Variants in EIPR1 observed in about 807,000 individuals in gnomAD.
EIPR1 encodes EARP and GARP complex-interacting protein 1.
Under a neutral mutation model 48.1 loss-of-function variants are expected in EIPR1, and 25 were observed. The observed-to-expected ratio is 0.52, with a 90% CI of 0.38 to 0.73. EIPR1 has a LOEUF of 0.73. EIPR1 is among the 30% of genes least tolerant of loss of function. The probability of loss-of-function intolerance (pLI) is 0.00; values close to 1 mark genes in which losing one functional copy is unlikely to be tolerated. For synonymous variants in EIPR1, 204 were observed against 201.9 expected, an observed-to-expected ratio of 1.01 and a Z score of -0.09; for missense variants, 415 against 506.2, an observed-to-expected ratio of 0.82 and a Z score of 1.73.
At chr2:3,227,749 T>C (rs1057382549) in intron 4 of EIPR1, among the ~76,000 whole-genome samples, 4 of 152,238 alleles carry the variant, frequency 2.6e-5, no homozygotes, top group Non-Finnish European at 5.9e-5. Context: ...CTGTGCAGCC[T>C]TGGGACATGC....
At chr2:3,202,166 T>C (rs1665066242) in intron 5 of EIPR1, among the ~76,000 whole-genome samples, 2 of 152,340 alleles carry the variant, frequency 1.3e-5, no homozygotes, top group South Asian at 4.1e-4. Context: ...CTCGATCTTC[T>C]GACCTTGTGA....
chr2:3,326,934 G>C (rs775074252), intron 3 of EIPR1, among the ~76,000 whole-genome samples: 37 of 152,252 alleles, frequency 2.4e-4, no homozygotes, highest in Non-Finnish European at 4.7e-4. Flanking sequence ...TCATGTTTCA[G>C]AGGAAGATGG....
chr2:3,218,205 T>C (rs560022783), intron 4 of EIPR1, among the ~76,000 whole-genome samples: 6 of 148,168 alleles, frequency 4.0e-5, no homozygotes, highest in Admixed American at 6.7e-5. Flanking sequence ...CTCTAGAGCT[T>C]TCACAGTGAG....
intron 3 of EIPR1, among the ~76,000 whole-genome samples, chr2:3,333,870 C>T (rs62119491): frequency 0.17 from 26,169 of 152,120 alleles, 2,441 homozygotes; most frequent in Non-Finnish European, 0.21. Flanking sequence ...TAACAACTCA[C>T]GCCAGCTGGC....
intron 3 of EIPR1, among the ~76,000 whole-genome samples, chr2:3,321,775 C>T (rs981197891): frequency 2.6e-5 from 4 of 152,266 alleles, no homozygotes; most frequent in South Asian, 4.1e-4. Context: ...CTCAGGAACC[C>T]TCTAGTTCAG....
intron 3 of EIPR1, among the ~76,000 whole-genome samples, chr2:3,284,209 T>TG (rs1483360587): frequency 2.2e-5 from 3 of 138,260 alleles, no homozygotes; most frequent in African/African-American, 8.3e-5. Context: ...CACATGGAGA[T>TG]GGGGCCGGAG....
intron 2 of EIPR1, among the ~76,000 whole-genome samples, chr2:3,349,698 TG>T (rs1249128106): frequency 6.9e-6 from 1 of 143,928 alleles, no homozygotes; most frequent in Non-Finnish European, 1.5e-5. Context: ...CGCTGTGAGA[TG>T]GGGACAGGGA....
chr2:3,307,611 C>T (rs1327557532), intron 3 of EIPR1, among the ~76,000 whole-genome samples: 1 of 152,234 alleles, frequency 6.6e-6, no homozygotes, highest in Non-Finnish European at 1.5e-5. Flanking sequence ...GGAAAGACGG[C>T]ATCCCCACTC....
In EIPR1 at chr2:3,284,318, C is replaced by T. The variant is rs368922849; in HGVS notation, c.260-26863G>A. Among the ~76,000 whole-genome samples the T allele has an allele frequency of 6.3e-4, 70 of 110,686 alleles. 6 individuals carry two copies. Among genetic ancestry groups the T allele is most frequent in the Middle Eastern group, 4.5e-3 (1 of 220 alleles). The allele number at this position is 110,686 out of a possible 152,430, so 72.6% of individuals were successfully genotyped here. A position where few individuals can be genotyped will look rare whatever the true frequency, so the allele number is the denominator to read the frequency against. On this transcript the variant is annotated intron_variant, in intron 3 of 8. Transcript: ENST00000382125. ...CCCACAGGCACAGAAGGCCGTGCCACGGCTGCACGTAAGCTGGGCACATGG... is the reference window on the plus strand; with the variant it reads ...CCCACAGGCACAGAAGGCCGTGCCATGGCTGCACGTAAGCTGGGCACATGG...
intron 4 of EIPR1, among the ~76,000 whole-genome samples, chr2:3,246,197 G>A (rs1400156156): frequency 1.3e-5 from 2 of 152,120 alleles, no homozygotes; most frequent in Non-Finnish European, 2.9e-5. Flanking sequence ...TGAGACTTTC[G>A]AGCACATTTT....
chr2:3,348,761 G>A (rs1314993071), intron 2 of EIPR1, among the ~76,000 whole-genome samples: 1 of 152,236 alleles, frequency 6.6e-6, no homozygotes, highest in East Asian at 1.9e-4. Context: ...GAGGACCTGA[G>A]GCAACACCAG....
intron 2 of EIPR1, among the ~76,000 whole-genome samples, chr2:3,340,044 A>G (rs1670188009): frequency 6.6e-6 from 1 of 152,214 alleles, no homozygotes; most frequent in Admixed American, 6.5e-5. Context: ...TTCCGCCATG[A>G]TTGGAAGTTT....
At chr2:3,372,135 G>C (rs1374630358) in intron 1 of EIPR1, among the ~76,000 whole-genome samples, 1 of 150,894 alleles carries the variant, frequency 6.6e-6, no homozygotes, top group Non-Finnish European at 1.5e-5. Flanking sequence ...AATGACTACT[G>C]GGTACATAAT....
chr2:3,194,304 T>C (rs1664719803), intron 6 of EIPR1, 138 bp from the exon 7 acceptor site: 1 of 1,044,040 alleles, frequency 9.6e-7, no homozygotes, highest in East Asian at 2.6e-5. Flanking sequence ...TCGGCGTTCC[T>C]GCCCTGCAGG....
chr2:3,370,164 C>A (rs951478934), intron 1 of EIPR1, among the ~76,000 whole-genome samples: 9 of 152,328 alleles, frequency 5.9e-5, no homozygotes, highest in African/African-American at 2.2e-4. Flanking sequence ...TCCAACAGAC[C>A]TGCAGCTGAG....
intron 7 of EIPR1, among the ~76,000 whole-genome samples, 196 bp downstream of exon 7, chr2:3,193,800 TTTC>T (rs1664695066): frequency 6.6e-6 from 1 of 152,246 alleles, no homozygotes; most frequent in African/African-American, 2.4e-5. Flanking sequence ...ATTTAATGTT[TTTC>T]TTCTTTTCCT....
chr2:3,198,426 C>T (rs537130034), intron 5 of EIPR1, among the ~76,000 whole-genome samples: 4 of 152,182 alleles, frequency 2.6e-5, no homozygotes, highest in African/African-American at 4.8e-5. Flanking sequence ...GAAGAGGCCT[C>T]GGGCCCAGGA....
intron 3 of EIPR1, chr2:3,274,219 TAAAC>T (rs1272570825): frequency 1.5e-5 from 22 of 1,456,740 alleles, no homozygotes; most frequent in Non-Finnish European, 2.0e-5. Context: ...ACAATATCAA[TAAAC>T]AAATTATCAG....
At chr2:3,242,536 CAG>C (rs1281601078) in intron 4 of EIPR1, among the ~76,000 whole-genome samples, 4 of 150,486 alleles carry the variant, frequency 2.7e-5, no homozygotes, top group African/African-American at 7.3e-5. Flanking sequence ...GGCTGGAAGA[CAG>C]AGATTTCAGG....
Sources: gnomAD v4.1 joint callset for allele counts (sites outside exome capture counted in the v4.1 genomes callset) on GRCh38, gnomAD v4.1.1 for gene constraint, MANE v1.5 for transcripts, NCBI Gene and HGNC (gene_info 2026-07-23, HGNC 2026-07-21) for gene names.